The following NGF variants were observed in gnomAD, a reference collection of about 807,000 sequenced individuals.
The protein encoded by NGF is nerve growth factor.
In NGF, 4 loss-of-function variants were observed where a neutral mutation model predicts 12.8. That is an observed-to-expected ratio of 0.31 (90% CI 0.15 to 0.72). The LOEUF (loss-of-function observed/expected upper bound fraction) is 0.72. Among genes scored for constraint, NGF ranks in the 30% least tolerant of loss-of-function variants. The pLI is 0.69. For synonymous variants in NGF, 140 were observed against 130.0 expected (o/e 1.08, Z -0.52); for missense variants, 283 against 330.8 (o/e 0.86, Z 1.12).
chr1:115,333,463 A>C (rs1654979090), intron 1 of NGF, among the ~76,000 whole-genome samples: 1 of 148,172 alleles, frequency 6.7e-6, no homozygotes, highest in Non-Finnish European at 1.5e-5. Flanking sequence ...ATTTTCAGGG[A>C]AATCCTGACT....
At chr1:115,304,814 G>A (rs116320928) in intron 1 of NGF, among the ~76,000 whole-genome samples, 1,737 of 152,246 alleles carry the variant, frequency 0.011, 17 homozygotes, top group Non-Finnish European at 0.016. Context: ...CCACCCCAGC[G>A]GGAGAAGTGG....
At chr1:115,315,295 G>T (rs58246327) in intron 1 of NGF, among the ~76,000 whole-genome samples, 1 of 152,306 alleles carries the variant, frequency 6.6e-6, no homozygotes, top group African/African-American at 2.4e-5. Context: ...ACCAAGAAGA[G>T]AAACCGGAAG....
At chr1:115,294,227 A>C (rs963352484) in intron 1 of NGF, among the ~76,000 whole-genome samples, 2 of 152,234 alleles carry the variant, frequency 1.3e-5, no homozygotes, top group African/African-American at 4.8e-5. Context: ...AATGGTGACA[A>C]ATAAGACAGA....
At chr1:115,328,967 A>G (rs1305865384) in intron 1 of NGF, among the ~76,000 whole-genome samples, 1 of 152,210 alleles carries the variant, frequency 6.6e-6, no homozygotes, top group Admixed American at 6.5e-5. Context: ...CCAGAGAAAA[A>G]GCAAACCTTA....
At position 115,286,750 on chromosome 1, in the gene NGF, T is replaced by G. The variant is rs1653523331; in HGVS notation, c.46A>C (p.Ile16Leu). Residue 16 changes from isoleucine (I) to leucine (L), a missense_variant, in exon 3 of 3, where the codon ATA (isoleucine) becomes CTA (leucine). This residue lies in a region of NGF where 151 missense variants were observed against 141.6 expected (regional missense o/e 1.07). Transcript: ENST00000369512. The part of the protein sequence containing the change: ...YTLITAFLIG[I>L]QAEPHSESNV... ...CTCTCTGAGTGTGGTTCCGCCTGTA[T>G]GCCGATCAGAAAAGCTGTGATCAGA... is the stretch of plus-strand genomic sequence containing the variant. The G allele has an allele frequency of 1.2e-6, 2 of 1,614,060 alleles. No homozygotes were observed. Among genetic ancestry groups the G allele is most frequent in the African/African-American group, 2.7e-5 (2 of 74,930 alleles).
At chr1:115,324,281 G>A (rs1235887084) in intron 1 of NGF, among the ~76,000 whole-genome samples, 1 of 152,172 alleles carries the variant, frequency 6.6e-6, no homozygotes, top group Non-Finnish European at 1.5e-5. Flanking sequence ...TTCTCATGTG[G>A]TACCGGCTCT....
intron 1 of NGF, among the ~76,000 whole-genome samples, chr1:115,336,672 G>A (rs1171450691): frequency 3.3e-5 from 5 of 152,224 alleles, no homozygotes; most frequent in Non-Finnish European, 5.9e-5. Flanking sequence ...ACATTCAGGA[G>A]GAAACTGTAA....
intron 1 of NGF, among the ~76,000 whole-genome samples, chr1:115,333,119 T>C (rs2101057049): frequency 6.6e-6 from 1 of 152,294 alleles, no homozygotes; most frequent in Admixed American, 6.5e-5. Flanking sequence ...GCTGAGCTCT[T>C]GAGACCATCC....
intron 1 of NGF, among the ~76,000 whole-genome samples, chr1:115,303,909 G>C (rs182644027): frequency 1.6e-4 from 24 of 152,176 alleles, no homozygotes; most frequent in African/African-American, 5.1e-4. Flanking sequence ...CAACTGAGTG[G>C]TGAATAGAGT....
chr1:115,333,653 TTC>T lies in NGF; in HGVS notation c.-137+4549_-137+4550del, dbSNP rs1174705225. 2.0e-4 allele frequency among the ~76,000 whole-genome samples: 29 copies of T among 147,128 alleles called. 1 individual carries two copies. Among genetic ancestry groups the T allele is most frequent in the East Asian group, 6.0e-4 (3 of 4,966 alleles). On this transcript the variant is annotated intron_variant, in intron 1 of 2. Coordinates refer to ENST00000369512, the MANE Select transcript of NGF (RefSeq NM_002506.3). ...GGGAGCTCCTTAAGACTTTCTTTCT[TTC>T]TCTTTCTTTCTTTCTTTCTTTCTTT...
chr1:115,333,655 CTCTTTCTT>C (rs368041850), intron 1 of NGF, among the ~76,000 whole-genome samples: 12,404 of 134,702 alleles, frequency 0.092, 968 homozygotes, highest in Non-Finnish European at 0.14. Flanking sequence ...TTCTTTCTTT[CTCTTTCTT>C]TCTTTCTTTC....
At chr1:115,307,582 A>T (rs1654235984) in intron 1 of NGF, among the ~76,000 whole-genome samples, 1 of 152,252 alleles carries the variant, frequency 6.6e-6, no homozygotes, top group African/African-American at 2.4e-5. Context: ...AAGTCCAAGG[A>T]ATAGGTAATC....
At chr1:115,321,576 ATGTG>A (rs59590858) in intron 1 of NGF, among the ~76,000 whole-genome samples, 27,345 of 132,800 alleles carry the variant, frequency 0.21, 3,390 homozygotes, top group Non-Finnish European at 0.28. Context: ...TGTGTATGGG[ATGTG>A]TGTGTGTGTG....
chr1:115,308,775 AAG>A (rs1481452592), intron 1 of NGF, among the ~76,000 whole-genome samples: 6 of 152,218 alleles, frequency 3.9e-5, no homozygotes, highest in Non-Finnish European at 7.3e-5. Flanking sequence ...GAGAGAAAGA[AAG>A]AGTGAAAATG....
chr1:115,287,820 T>G (rs574604664), intron 2 of NGF, among the ~76,000 whole-genome samples: 1 of 152,334 alleles, frequency 6.6e-6, no homozygotes, highest in African/African-American at 2.4e-5. Context: ...CCAAGAGGAC[T>G]CCATACTGCA....
At chr1:115,318,171 G>T (rs1440953110) in intron 1 of NGF, among the ~76,000 whole-genome samples, 1 of 152,218 alleles carries the variant, frequency 6.6e-6, no homozygotes, top group Non-Finnish European at 1.5e-5. Flanking sequence ...TGAATTAGAA[G>T]AAATGCCCCT....
intron 1 of NGF, among the ~76,000 whole-genome samples, chr1:115,305,120 T>A (rs577756305): frequency 1.3e-5 from 2 of 152,316 alleles, no homozygotes; most frequent in East Asian, 3.9e-4. Flanking sequence ...TGTTAATTAG[T>A]CCATTAGCAT....
chr1:115,304,107 TCAAAAGAG>T (rs1193979515), intron 1 of NGF, among the ~76,000 whole-genome samples: 1 of 152,088 alleles, frequency 6.6e-6, no homozygotes, highest in Non-Finnish European at 1.5e-5. Context: ...TAGAATTATC[TCAAAAGAG>T]CAATACCTGT....
intron 1 of NGF, among the ~76,000 whole-genome samples, chr1:115,336,341 A>G (rs535741640): frequency 1.3e-5 from 2 of 152,234 alleles, no homozygotes; most frequent in South Asian, 4.1e-4. Context: ...TTGGCTTCCC[A>G]TTTTTGGTGC....
Sources: gnomAD v4.1 joint callset for allele counts (sites outside exome capture counted in the v4.1 genomes callset) on GRCh38, gnomAD v4.1.1 for gene constraint, gnomAD v4.1.1 regional missense constraint, MANE v1.5 for transcripts, NCBI Gene and HGNC (gene_info 2026-07-23, HGNC 2026-07-21) for gene names.